HMCN2: variants seen among roughly 807,000 people sequenced by gnomAD.
HMCN2 encodes the protein hemicentin-2.
HMCN2 carries 325 observed loss-of-function variants against 377.5 expected under a neutral mutation model. The ratio of observed to expected loss-of-function variants is 0.86; its 90% CI spans 0.79 to 0.94. The LOEUF (loss-of-function observed/expected upper bound fraction) is 0.94, where lower values mean the gene tolerates loss of function less well. Ranked by LOEUF, HMCN2 falls within the 40% of genes least tolerant of loss-of-function variation. HMCN2 has a pLI of 0.00. For missense variants in HMCN2, 4,543 were observed against 4,725.3 expected (o/e 0.96, Z 1.13); for synonymous variants, 2,007 against 2,046.8 (o/e 0.98, Z 0.53).
intron 72 of HMCN2, 21 bp from the exon 73 acceptor site, chr9:130,396,148 T>A: frequency 8.5e-7 from 1 of 1,181,218 alleles, no homozygotes; most frequent in African/African-American, 2.1e-5. Flanking sequence ...CCAGCACCAC[T>A]CCCTCTGTGC....
At chr9:130,405,127 C>G in intron 81 of HMCN2, 68 bp downstream of exon 81, 1 of 1,107,174 alleles carries the variant, frequency 9.0e-7, no homozygotes, top group South Asian at 1.6e-5. Flanking sequence ...ATGCTCTGCG[C>G]TGAGCACTAT....
At chr9:130,382,371 A>G in intron 55 of HMCN2, 74 bp downstream of exon 55, 1 of 597,234 alleles carries the variant, frequency 1.7e-6, no homozygotes, top group Non-Finnish European at 2.1e-6. Flanking sequence ...GAAGGGGCCG[A>G]GGCAAAGTGC....
At chr9:130,413,724 C>A (rs1413380820) in intron 85 of HMCN2, among the ~76,000 whole-genome samples, 2 of 152,140 alleles carry the variant, frequency 1.3e-5, no homozygotes, top group Non-Finnish European at 2.9e-5. Flanking sequence ...TGGGCTCAGA[C>A]ACACGCATGT....
chr9:130,434,021 G>A lies in HMCN2; in HGVS notation c.*328G>A, dbSNP rs906409456. On this transcript the variant is annotated 3_prime_UTR_variant, in exon 98 of 98. Transcript: ENST00000683500. ...CAGGGCACCTGGACGCGCGGGAGAG[G>A]GGGCAGACCCCGCGTTAGGGGTGGC... The A allele has an allele frequency of 4.7e-5, 13 of 274,516 alleles. No homozygotes were observed. The highest frequency in any genetic ancestry group is 2.2e-4 in the African/African-American group (10 of 45,502). 17.0% of individuals were successfully genotyped at this position (274,516 alleles called of 1,614,324 possible). A position where few individuals can be genotyped will look rare whatever the true frequency, so the allele number is the denominator to read the frequency against.
Position 130,356,238 on chromosome 9 carries a change from G to A in HMCN2, c.5406G>A (p.Glu1802=), listed in dbSNP as rs1265702948. Residue 1802 remains glutamate, a synonymous_variant, in exon 34 of 98, where the codon GAG becomes GAA. Coordinates refer to ENST00000683500, the MANE Select transcript of HMCN2 (RefSeq NM_001291815.2). ...ATNEAGTAGA[E]VEVSVHEFPS... is the part of the protein sequence containing the mutation. ...ATGAGGCGGGCACTGCCGGGGCCGA[G>A]GTGGAGGTGTCTGTGCATGGTGAGT... The A allele has an allele frequency of 2.5e-5, 33 of 1,300,070 alleles. No individual in the cohort carries two copies. The highest frequency in any genetic ancestry group is 3.3e-5 in the Non-Finnish European group (33 of 987,930). The allele number at this position is 1,300,070 out of a possible 1,614,324, so 80.5% of individuals were successfully genotyped here. A position where few individuals can be genotyped will look rare whatever the true frequency, so the allele number is the denominator to read the frequency against.
rs982028904 is a variant in HMCN2 at position 130,428,710 on chromosome 9, G to C, written c.14197+221G>C. 6.6e-6 allele frequency among the ~76,000 whole-genome samples: 1 copy of C among 152,156 alleles called. No homozygotes were observed. The highest frequency in any genetic ancestry group is 1.5e-5 in the Non-Finnish European group (1 of 68,026). ...GGCAGCTGGCACCTTCTTTGACAGG[G>C]GTGTTTTCTTTCTGCACCTCAGCAT... is the stretch of plus-strand genomic sequence containing the variant. On this transcript the variant is annotated intron_variant, in intron 93 of 97. Transcript: ENST00000683500. This position sits in a 1 kb window ranked among gnomAD's most constrained non-coding sequence, Gnocchi z 5.0.
chr9:130,394,110 C>A lies in HMCN2; in HGVS notation c.10501+102C>A. On this transcript the variant is annotated intron_variant, in intron 68 of 97. Coordinates refer to ENST00000683500, the MANE Select transcript of HMCN2 (RefSeq NM_001291815.2). The surrounding 1 kb of genome is among the most constrained non-coding windows in gnomAD (Gnocchi z 5.1). Reference sequence around the variant, plus strand: ...GTGAGGGAGGTGAGTCCCCTGGAGACCTGGGACTGCCACCTGGGAGCAGAA... The same window carrying A: ...GTGAGGGAGGTGAGTCCCCTGGAGAACTGGGACTGCCACCTGGGAGCAGAA... 1 of 1,053,222 alleles carries A rather than the reference C, an allele frequency of 9.5e-7. No individual in the cohort carries two copies. Among genetic ancestry groups the A allele is most frequent in the Non-Finnish European group, 1.2e-6 (1 of 820,362 alleles). 65.2% of individuals were successfully genotyped at this position (1,053,222 alleles called of 1,614,324 possible).
At chr9:130,323,395 G>T (rs1163566716) in intron 19 of HMCN2, among the ~76,000 whole-genome samples, 3 of 152,168 alleles carry the variant, frequency 2.0e-5, no homozygotes, top group Non-Finnish European at 4.4e-5. Context: ...GCGAATCTGA[G>T]TGGTGCCCAG....
chr9:130,313,574 G>A (rs1837380541), intron 15 of HMCN2, among the ~76,000 whole-genome samples: 1 of 148,990 alleles, frequency 6.7e-6, no homozygotes, highest in South Asian at 2.1e-4. Flanking sequence ...CTTAGGGCTT[G>A]CGTGGAATAA....
intron 1 of HMCN2, among the ~76,000 whole-genome samples, chr9:130,276,764 C>T (rs1439430037): frequency 6.6e-6 from 1 of 152,240 alleles, no homozygotes; most frequent in Non-Finnish European, 1.5e-5. Flanking sequence ...TGTCTGAATT[C>T]TAGCAGGCTT....
intron 95 of HMCN2, chr9:130,430,892 C>T (rs1329271029): frequency 1.5e-5 from 7 of 481,088 alleles, no homozygotes; most frequent in East Asian, 3.5e-5. Context: ...CTGGGAACCC[C>T]CTTTGAGAAA....
intron 1 of HMCN2, among the ~76,000 whole-genome samples, chr9:130,274,446 T>C (rs1588153083): frequency 6.6e-6 from 1 of 152,330 alleles, no homozygotes; most frequent in South Asian, 2.1e-4. Flanking sequence ...TGGATGATAG[T>C]TTCCAGCATT....
rs1463178247 is a variant in HMCN2 at position 130,433,674 on chromosome 9, T to G, written c.15221T>G (p.Val5074Gly). Residue 5074 changes from valine (V) to glycine (G), a missense_variant, in exon 98 of 98, where the codon GTG becomes GGG. Val to Gly is a moderately radical substitution (Grantham distance 109). Transcript: ENST00000683500. ...AGCGTCTTCGTCTTGCTCATCGCCG[T>G]GTCCCCCTACCCCTACTAAACGGGA... The part of the protein sequence containing the change: ...HQSVFVLLIA[V>G]SPYPY The G allele has an allele frequency of 6.6e-7, 1 of 1,506,888 alleles. No individual in the cohort carries two copies. The highest frequency in any genetic ancestry group is 1.3e-5 in the South Asian group (1 of 79,078). The allele number at this position is 1,506,888 out of a possible 1,614,324, so 93.3% of individuals were successfully genotyped here.
intron 86 of HMCN2, among the ~76,000 whole-genome samples, chr9:130,421,049 T>A (rs1444770198): frequency 2.0e-5 from 3 of 152,338 alleles, no homozygotes; most frequent in African/African-American, 2.4e-5. Flanking sequence ...TTTGGGGAGA[T>A]ACATTCTTCC....
Position 130,348,604 on chromosome 9 carries a change from T to C in HMCN2, c.4084T>C (p.Ser1362Pro). 2 of 1,302,636 alleles carry C rather than the reference T, an allele frequency of 1.5e-6. No homozygotes were observed. Among genetic ancestry groups the C allele is most frequent in the Non-Finnish European group, 2.0e-6 (2 of 988,536 alleles). The allele number at this position is 1,302,636 out of a possible 1,614,324, so 80.7% of individuals were successfully genotyped here. A position where few individuals can be genotyped will look rare whatever the true frequency, so the allele number is the denominator to read the frequency against. Residue 1362 changes from serine to proline, a missense_variant, in exon 27 of 98, where the codon TCC (serine) becomes CCC (proline). Coordinates refer to ENST00000683500, the MANE Select transcript of HMCN2 (RefSeq NM_001291815.2). ...CAACGTGTCGGGTATGGCCGGGCAGTCCCTGACGCTGGAGTGTGACGCGAA... is the reference window on the plus strand; with the variant it reads ...CAACGTGTCGGGTATGGCCGGGCAGCCCCTGACGCTGGAGTGTGACGCGAA... ...KANVSGMAGQ[S>P]LTLECDANGF...
intron 84 of HMCN2, among the ~76,000 whole-genome samples, chr9:130,409,613 A>C (rs1843306348): frequency 6.6e-6 from 1 of 152,220 alleles, no homozygotes; most frequent in Admixed American, 6.5e-5. Flanking sequence ...CTGTTACCCA[A>C]GTACTAACTG....
At chr9:130,416,509 G>A (rs986272263) in intron 85 of HMCN2, among the ~76,000 whole-genome samples, 5 of 152,192 alleles carry the variant, frequency 3.3e-5, no homozygotes, top group Admixed American at 6.5e-5. Flanking sequence ...CGTGGAATTA[G>A]TTTATTGGTT....
Position 130,351,296 on chromosome 9 carries a change from G to A in HMCN2, c.4431-127G>A. On this transcript the variant is annotated intron_variant, in intron 29 of 97. Transcript: ENST00000683500. This position sits in a 1 kb window ranked among gnomAD's most constrained non-coding sequence, Gnocchi z 5.4. ...TCCTCGCTTACTGGGCCTTTGCATT[G>A]CTCCCACCTCTTGGCGCTAATGAAT... The A allele has an allele frequency of 1.7e-6, 1 of 601,220 alleles. No individual in the cohort carries two copies. The highest frequency in any genetic ancestry group is 8.2e-5 in the East Asian group (1 of 12,128). 37.2% of individuals were successfully genotyped at this position (601,220 alleles called of 1,614,324 possible). A position where few individuals can be genotyped will look rare whatever the true frequency, so the allele number is the denominator to read the frequency against.
intron 1 of HMCN2, 67 bp downstream of exon 1, chr9:130,266,204 C>T (rs1834088661): frequency 5.7e-5 from 23 of 403,992 alleles, no homozygotes; most frequent in South Asian, 4.1e-4. Flanking sequence ...CTGACCCCCT[C>T]AGTTGGCCCC....
Sources: gnomAD v4.1 joint callset for allele counts (sites outside exome capture counted in the v4.1 genomes callset) on GRCh38, gnomAD v4.1.1 for gene constraint, Gnocchi (gnomAD v3.1) non-coding constraint, MANE v1.5 for transcripts, NCBI Gene and HGNC (gene_info 2026-07-23, HGNC 2026-07-21) for gene names.